Variants in SLC9C1 observed in about 807,000 individuals in gnomAD.
SLC9C1 encodes solute carrier family 9 member C1.
A neutral mutation model predicts 140.9 loss-of-function variants in SLC9C1; 97 were observed. The observed-to-expected ratio is 0.69, with a 90% CI of 0.58 to 0.82. The LOEUF (loss-of-function observed/expected upper bound fraction) is 0.82. Among genes scored for constraint, SLC9C1 ranks in the 40% least tolerant of loss-of-function variants. The pLI is 0.00. For missense variants in SLC9C1, 1,340 were observed against 1,389.3 expected, an observed-to-expected ratio of 0.96 and a Z score of 0.56; for synonymous variants, 440 against 442.6, an observed-to-expected ratio of 0.99 and a Z score of 0.07.
At chr3:112,160,453 T>C (rs915353428) in intron 26 of SLC9C1, among the ~76,000 whole-genome samples, 1 of 132,992 alleles carries the variant, frequency 7.5e-6, no homozygotes, top group South Asian at 2.6e-4. Context: ...CAGAGTGTGA[T>C]GTTCCCCTTC....
At chr3:112,257,383 A>G (rs59967068) in intron 10 of SLC9C1, among the ~76,000 whole-genome samples, 56,944 of 151,876 alleles carry the variant, frequency 0.37, 10,892 homozygotes, top group Middle Eastern at 0.43. Flanking sequence ...GAGAGGGCCC[A>G]GAAATAAGGC....
At chr3:112,156,119 G>T (rs1265997463) in intron 26 of SLC9C1, among the ~76,000 whole-genome samples, 1 of 151,530 alleles carries the variant, frequency 6.6e-6, no homozygotes, top group South Asian at 2.1e-4. Flanking sequence ...CTGTATTTTT[G>T]TGTACCCCTT....
Position 112,263,032 on chromosome 3 carries a change from C to G in SLC9C1, c.1089G>C (p.Trp363Cys). The change falls in exon 10 of 29, where the codon TGG (tryptophan) becomes TGC (cysteine). Residue 363 changes from tryptophan (W) to cysteine (C), a missense_variant. By Grantham distance (215) the Trp-to-Cys change is radical. Transcript: ENST00000305815. ...TTTCACTACAGACCATTATGAATAT[C>G]CAGCGCCAACTGAACTCATGACCAA... Reference protein sequence around the residue: ...SRVGHEFSWRWIFIMVCSEMK... With the variant: ...SRVGHEFSWRCIFIMVCSEMK... 1.2e-6 allele frequency: 2 copies of G among 1,602,224 alleles called. No individual in the cohort carries two copies. The highest frequency in any genetic ancestry group is 1.7e-4 in the Middle Eastern group (1 of 6,012).
intron 10 of SLC9C1, among the ~76,000 whole-genome samples, chr3:112,259,985 T>C (rs116529461): frequency 6.2e-4 from 94 of 152,294 alleles, no homozygotes; most frequent in African/African-American, 2.1e-3. Flanking sequence ...CATCAATTGA[T>C]ATAATTTCCA....
intron 2 of SLC9C1, among the ~76,000 whole-genome samples, chr3:112,285,678 C>T (rs4511871): frequency 0.99 from 151,514 of 152,354 alleles, 75,344 homozygotes; most frequent in Middle Eastern, 1. Context: ...CAAGGGAGTC[C>T]GCATATTTAA....
At chr3:112,175,595 G>A (rs938972519) in intron 23 of SLC9C1, among the ~76,000 whole-genome samples, 4 of 152,184 alleles carry the variant, frequency 2.6e-5, no homozygotes, top group Admixed American at 6.5e-5. Flanking sequence ...CCCTCTGGGC[G>A]CTCTGTAACA....
intron 27 of SLC9C1, 64 bp from the exon 28 acceptor site, chr3:112,152,027 C>T: frequency 1.6e-5 from 21 of 1,279,448 alleles, no homozygotes; most frequent in Non-Finnish European, 2.3e-5. Context: ...GCCTGCCCCT[C>T]CACACCTGTG....
intron 23 of SLC9C1, among the ~76,000 whole-genome samples, chr3:112,174,579 G>A (rs953959700): frequency 6.6e-6 from 1 of 152,164 alleles, no homozygotes; most frequent in Non-Finnish European, 1.5e-5. Flanking sequence ...GCGCAGTTGT[G>A]GATGGAGCAA....
rs145023342 is a variant in SLC9C1, at chr3:112,170,357, G to A, written c.2920-1029C>T. 2.2e-3 allele frequency among the ~76,000 whole-genome samples: 338 copies of A among 152,258 alleles called. 10 individuals carry two copies. In the East Asian group the frequency reaches 0.056, roughly 25 times the overall value. ...GGTGGTATCTCATTGTAGTTTTCAT[G>A]TGCATTTTTCTGATGATTAATGATT... On this transcript the variant is annotated intron_variant, in intron 23 of 28. Transcript: ENST00000305815.
intron 10 of SLC9C1, among the ~76,000 whole-genome samples, chr3:112,261,767 T>A (rs755053386): frequency 5.3e-5 from 8 of 152,090 alleles, no homozygotes; most frequent in Admixed American, 6.6e-5. Flanking sequence ...TATTGTACAA[T>A]TGCTATATGC....
At chr3:112,284,119 A>G (rs1468127062) in intron 2 of SLC9C1, among the ~76,000 whole-genome samples, 1 of 152,268 alleles carries the variant, frequency 6.6e-6, no homozygotes, top group Non-Finnish European at 1.5e-5. Flanking sequence ...TAGATTTGAA[A>G]GTGGTGACAG....
chr3:112,249,059 G>A (rs2079373882), intron 10 of SLC9C1, among the ~76,000 whole-genome samples: 1 of 152,078 alleles, frequency 6.6e-6, no homozygotes, highest in Non-Finnish European at 1.5e-5. Flanking sequence ...AGCTTTTGCT[G>A]ATTCTGTATG....
chr3:112,185,588 C>T, intron 20 of SLC9C1: 1 of 1,607,006 alleles, frequency 6.2e-7, no homozygotes, highest in Non-Finnish European at 8.5e-7. Flanking sequence ...CCCGGGGTCC[C>T]AGGGCTCGCC....
intron 10 of SLC9C1, among the ~76,000 whole-genome samples, chr3:112,249,220 T>C (rs559707794): frequency 5.9e-4 from 89 of 151,856 alleles, no homozygotes; most frequent in Non-Finnish European, 1.1e-3. Flanking sequence ...ATGATTCCAG[T>C]TTTTAGTTCT....
At chr3:112,261,307 A>G (rs972649304) in intron 10 of SLC9C1, among the ~76,000 whole-genome samples, 1 of 152,150 alleles carries the variant, frequency 6.6e-6, no homozygotes, top group Non-Finnish European at 1.5e-5. Context: ...AGTGCATTGC[A>G]TTCTAGGTAA....
intron 20 of SLC9C1, among the ~76,000 whole-genome samples, chr3:112,189,006 G>A (rs1397407501): frequency 1.3e-5 from 2 of 152,100 alleles, no homozygotes; most frequent in African/African-American, 4.8e-5. Context: ...ATTTTTTCAT[G>A]TATCTGTTGG....
intron 14 of SLC9C1, among the ~76,000 whole-genome samples, chr3:112,218,222 T>A (rs1217757665): frequency 6.6e-6 from 1 of 150,850 alleles, no homozygotes; most frequent in African/African-American, 2.4e-5. Flanking sequence ...GTGTATATGA[T>A]CATGTCTTGT....
chr3:112,270,134 T>C lies in SLC9C1; in HGVS notation c.614-57A>G, dbSNP rs1576490895. ...TAATAGAACTTGCCGTTAATTTTAA[T>C]TGATATTCCTTGTTAATTTTCCTTT... On this transcript the variant is annotated intron_variant, in intron 6 of 28. Coordinates refer to ENST00000305815, the MANE Select transcript of SLC9C1 (RefSeq NM_183061.3). The C allele has an allele frequency of 8.5e-6, 12 of 1,410,384 alleles. No individual in the cohort carries two copies. In the South Asian group the frequency reaches 1.6e-4, roughly 19 times the overall value. 87.4% of individuals were successfully genotyped at this position (1,410,384 alleles called of 1,614,324 possible).
At chr3:112,189,303 C>A (rs1335262793) in intron 20 of SLC9C1, among the ~76,000 whole-genome samples, 1 of 152,062 alleles carries the variant, frequency 6.6e-6, no homozygotes, top group African/African-American at 2.4e-5. Flanking sequence ...AAGTCCTTGC[C>A]CATGCCTATG....
Sources: allele counts gnomAD v4.1 joint callset (sites outside exome capture counted in the v4.1 genomes callset), GRCh38; gene constraint gnomAD v4.1.1; transcripts MANE v1.5; gene names NCBI Gene and HGNC (gene_info 2026-07-23, HGNC 2026-07-21).